Variants in EFCAB12 observed in about 807,000 individuals in gnomAD.
EFCAB12 encodes the protein EF-hand calcium-binding domain-containing protein 12.
A neutral mutation model predicts 53.6 loss-of-function variants in EFCAB12; 43 were observed. The ratio of observed to expected loss-of-function variants is 0.80; its 90% CI spans 0.63 to 1.03. The LOEUF (loss-of-function observed/expected upper bound fraction) is 1.03. Among genes scored for constraint, EFCAB12 ranks in the 50% least tolerant of loss-of-function variants. EFCAB12 has a pLI of 0.00. For synonymous variants in EFCAB12, 269 were observed against 289.2 expected (o/e 0.93, Z 0.71); for missense variants, 646 against 730.6 (o/e 0.88, Z 1.34).
At chr3:129,415,147 A>G (rs947152825) in intron 4 of EFCAB12, 98 bp downstream of exon 4, 5 of 1,409,440 alleles carry the variant, frequency 3.5e-6, no homozygotes, top group Non-Finnish European at 4.7e-6. Context: ...TGGGGAACAC[A>G]CTGAGGAAGT....
rs924398055 is a variant in EFCAB12, at chr3:129,415,411, G to C, written c.682-10C>G. 2.5e-6 allele frequency: 4 copies of C among 1,613,314 alleles called. No homozygotes were observed. In the African/African-American group the frequency reaches 4.0e-5, roughly 16 times the overall value. On this transcript the variant is annotated splice_polypyrimidine_tract_variant and intron_variant, in intron 3 of 8. Coordinates refer to ENST00000505956, the MANE Select transcript of EFCAB12 (RefSeq NM_207307.3). Reference sequence around the variant, plus strand: ...TCAGAGGGACTCCGACCTGAGGAGAGAGAAGACCTTCAGACTAGCAGGCTC... The same window carrying C: ...TCAGAGGGACTCCGACCTGAGGAGACAGAAGACCTTCAGACTAGCAGGCTC...
intron 1 of EFCAB12, 31 bp downstream of exon 1, chr3:129,428,409 C>G (rs1309898226): frequency 6.3e-7 from 1 of 1,592,222 alleles, no homozygotes; most frequent in Admixed American, 1.8e-5. Flanking sequence ...GCGCTGAGCG[C>G]TCCCTGCAGA....
rs777188693 is a variant in EFCAB12, at chr3:129,415,244, C to T, written c.838+1G>A. 2.7e-5 allele frequency: 43 copies of T among 1,600,232 alleles called. No homozygotes were observed. The highest frequency in any genetic ancestry group is 6.9e-5 in the Admixed American group (4 of 58,210). On this transcript the variant is annotated splice_donor_variant, in intron 4 of 8. Coordinates refer to ENST00000505956, the MANE Select transcript of EFCAB12 (RefSeq NM_207307.3). LOFTEE classifies it high-confidence loss of function. ...GGCACAGGATGGGGAGGGGTACGCA[C>T]GCTCCCTTGCAGTGGCCAGGCTGCT...
At chr3:129,408,947 C>G (rs534244879) in intron 5 of EFCAB12, 89 bp from the exon 6 acceptor site, 2 of 1,438,762 alleles carry the variant, frequency 1.4e-6, no homozygotes, top group Admixed American at 4.0e-5. Context: ...CCTCATCGAC[C>G]TCTCCCCTGC....
intron 5 of EFCAB12, among the ~76,000 whole-genome samples, 177 bp from the exon 6 acceptor site, chr3:129,409,035 G>C (rs753221491): frequency 7.9e-5 from 12 of 152,246 alleles, no homozygotes; most frequent in Admixed American, 7.8e-4. Flanking sequence ...GAAGACTTCA[G>C]GTTCAGAAGC....
intron 2 of EFCAB12, among the ~76,000 whole-genome samples, chr3:129,418,735 G>A (rs547621691): frequency 1.6e-4 from 25 of 152,230 alleles, no homozygotes; most frequent in Admixed American, 9.8e-4. Context: ...GTCAGTATGC[G>A]TAATCCCACT....
intron 2 of EFCAB12, among the ~76,000 whole-genome samples, chr3:129,419,412 T>C (rs748363087): frequency 6.6e-6 from 1 of 152,208 alleles, no homozygotes; most frequent in Non-Finnish European, 1.5e-5. Flanking sequence ...GTTATCAACA[T>C]AATGGTATTA....
chr3:129,406,048 T>TAA (rs528836223), intron 6 of EFCAB12, among the ~76,000 whole-genome samples: 43 of 137,820 alleles, frequency 3.1e-4, no homozygotes, highest in African/African-American at 9.3e-4. Context: ...CCCCATCTCT[T>TAA]AAAAAAAAAA....
chr3:129,426,083 G>A lies in EFCAB12; in HGVS notation c.49+2357C>T, dbSNP rs951916669. Among the ~76,000 whole-genome samples, 11 of 152,188 alleles carry A rather than the reference G, an allele frequency of 7.2e-5. No individual in the cohort carries two copies. In the East Asian group the frequency reaches 2.1e-3, roughly 29 times the overall value. ...CTTTCTTGAAATTCTCCCTGCTCTT[G>A]GCTTGATTCAATCTCTTGCTATGTC... On this transcript the variant is annotated intron_variant, in intron 1 of 8. Coordinates refer to ENST00000505956, the MANE Select transcript of EFCAB12 (RefSeq NM_207307.3).
intron 2 of EFCAB12, among the ~76,000 whole-genome samples, chr3:129,420,729 CCTTT>C (rs58934105): frequency 0.025 from 3,781 of 152,312 alleles, 171 homozygotes; most frequent in African/African-American, 0.087. Flanking sequence ...CTGCTTCCCT[CCTTT>C]CTAAGATGGA....
Position 129,411,153 on chromosome 3 carries a change from G to T in EFCAB12, c.1035+5C>A, listed in dbSNP as rs1444720740. The stretch of plus-strand genomic sequence containing the variant: ...CCGCATGCTCTCCTTGGGCTGGCGA[G>T]GTACCTTGTGCTGTCGCTGCCGCTC... On this transcript the variant is annotated splice_donor_5th_base_variant and intron_variant, in intron 5 of 8. Coordinates refer to ENST00000505956, the MANE Select transcript of EFCAB12 (RefSeq NM_207307.3). 6.4e-7 allele frequency: 1 copy of T among 1,566,372 alleles called. No homozygotes were observed. The highest frequency in any genetic ancestry group is 1.9e-5 in the Admixed American group (1 of 52,230).
In EFCAB12 at chr3:129,415,260, C is replaced by T. The variant is rs1017288725; in HGVS notation, c.823G>A (p.Ala275Thr). 5 of 1,609,048 alleles carry T rather than the reference C, an allele frequency of 3.1e-6. No homozygotes were observed. Among genetic ancestry groups the T allele is most frequent in the Non-Finnish European group, 3.4e-6 (4 of 1,178,616 alleles). The change falls in exon 4 of 9, where the codon GCC (alanine) becomes ACC (threonine). Residue 275 changes from alanine (A) to threonine (T), a missense_variant. Physicochemically the swap from Ala to Thr is moderately conservative, Grantham distance 58. Coordinates refer to ENST00000505956, the MANE Select transcript of EFCAB12 (RefSeq NM_207307.3). ...GGGTACGCACGCTCCCTTGCAGTGGCCAGGCTGCTCCTTTGCTGAGCCATA... is the reference window on the plus strand; with the variant it reads ...GGGTACGCACGCTCCCTTGCAGTGGTCAGGCTGCTCCTTTGCTGAGCCATA... ...WSMAQQRSSL[A>T]TAREHYILAK... is the part of the protein sequence containing the mutation.
In EFCAB12 at chr3:129,412,473, GATAGA is replaced by G. The variant is rs1559787339; in HGVS notation, c.839-1124_839-1120del. On this transcript the variant is annotated intron_variant, in intron 4 of 8. Transcript: ENST00000505956. ...AGATAGATAGATAGATAGATAGATA[GATAGA>G]CAGACTGACCGACCGACCAGATCGC... 10 of 150,120 alleles carry G rather than the reference GATAGA, an allele frequency of 6.7e-5. No homozygotes were observed. In the East Asian group the frequency reaches 1.9e-3, roughly 29 times the overall value. 9.3% of individuals were successfully genotyped at this position (150,120 alleles called of 1,614,324 possible). A position where few individuals can be genotyped will look rare whatever the true frequency, so the allele number is the denominator to read the frequency against.
chr3:129,415,526 A>G, intron 3 of EFCAB12, 125 bp from the exon 4 acceptor site: 2 of 1,213,550 alleles, frequency 1.6e-6, no homozygotes, highest in East Asian at 2.7e-5. Flanking sequence ...ACCACTCCCT[A>G]CTATACCCAA....
chr3:129,424,030 C>T (rs576822173), intron 1 of EFCAB12, among the ~76,000 whole-genome samples: 1 of 152,324 alleles, frequency 6.6e-6, no homozygotes, highest in Non-Finnish European at 1.5e-5. Flanking sequence ...CCCATAGCCC[C>T]CACACTTAGT....
At chr3:129,408,336 T>C (rs2071980207) in intron 6 of EFCAB12, among the ~76,000 whole-genome samples, 1 of 152,224 alleles carries the variant, frequency 6.6e-6, no homozygotes, top group African/African-American at 2.4e-5. Context: ...GGAACTCCTG[T>C]CCTTGGAGCT....
rs377217753 is a variant in EFCAB12 at position 129,415,254 on chromosome 3, C to A, written c.829G>T (p.Ala277Ser). Residue 277 changes from alanine (A) to serine (S), a missense_variant, in exon 4 of 9, where the codon GCA (alanine) becomes TCA (serine). Physicochemically the swap from Ala to Ser is moderately conservative, Grantham distance 99 (BLOSUM62 1). Coordinates refer to ENST00000505956, the MANE Select transcript of EFCAB12 (RefSeq NM_207307.3). ...GGGGAGGGGTACGCACGCTCCCTTG[C>A]AGTGGCCAGGCTGCTCCTTTGCTGA... ...MAQQRSSLAT[A>S]REHYILAKHR... is the part of the protein sequence containing the mutation. 72 of 1,606,928 alleles carry A rather than the reference C, an allele frequency of 4.5e-5. No individual in the cohort carries two copies. Among genetic ancestry groups the A allele is most frequent in the Non-Finnish European group, 6.1e-5 (72 of 1,177,778 alleles).
At chr3:129,422,922 T>C (rs1247242538) in intron 1 of EFCAB12, among the ~76,000 whole-genome samples, 1 of 152,194 alleles carries the variant, frequency 6.6e-6, no homozygotes, top group Non-Finnish European at 1.5e-5. Flanking sequence ...TTTTTTCTAG[T>C]AGACTATGAG....
At chr3:129,417,703 A>C (rs1452529374) in intron 3 of EFCAB12, among the ~76,000 whole-genome samples, 4 of 152,200 alleles carry the variant, frequency 2.6e-5, no homozygotes, top group Non-Finnish European at 5.9e-5. Context: ...GTGTGATTGA[A>C]AGACTGGATT....
Sources: gnomAD v4.1 joint callset for allele counts (sites outside exome capture counted in the v4.1 genomes callset) on GRCh38, gnomAD v4.1.1 for gene constraint, MANE v1.5 for transcripts, NCBI Gene and HGNC (gene_info 2026-07-23, HGNC 2026-07-21) for gene names.